The following PXDNL variants were observed in gnomAD, a reference collection of about 807,000 sequenced individuals.
PXDNL encodes the protein probable oxidoreductase PXDNL.
In PXDNL, 145 loss-of-function variants were observed where a neutral mutation model predicts 150.8. The ratio of observed to expected loss-of-function variants is 0.96; its 90% confidence interval spans 0.84 to 1.10. PXDNL has a LOEUF of 1.10. Ranked by LOEUF, PXDNL falls within the 50% of genes least tolerant of loss-of-function variation. PXDNL has a pLI of 0.00. For synonymous variants in PXDNL, 757 were observed against 725.7 expected (o/e 1.04, Z -0.69); for missense variants, 2,087 against 1,873.9 (o/e 1.11, Z -2.10).
intron 17 of PXDNL, among the ~76,000 whole-genome samples, chr8:51,381,743 C>A (rs1232862528): frequency 6.6e-6 from 1 of 151,662 alleles, no homozygotes; most frequent in Non-Finnish European, 1.5e-5. Context: ...AGCTCCACCT[C>A]CCGGGTTCAT....
intron 4 of PXDNL, among the ~76,000 whole-genome samples, chr8:51,506,835 G>C (rs1811305766): frequency 6.6e-6 from 1 of 152,122 alleles, no homozygotes; most frequent in Admixed American, 6.5e-5. Flanking sequence ...GGAATTCAAG[G>C]CTTTTCAAGA....
At chr8:51,586,530 C>A (rs149084847) in intron 3 of PXDNL, among the ~76,000 whole-genome samples, 1 of 152,140 alleles carries the variant, frequency 6.6e-6, no homozygotes, top group African/African-American at 2.4e-5. Context: ...TCATTAAAAC[C>A]CAGTGAGTGA....
At chr8:51,696,430 T>A (rs1414978852) in intron 1 of PXDNL, among the ~76,000 whole-genome samples, 2 of 152,198 alleles carry the variant, frequency 1.3e-5, no homozygotes, top group African/African-American at 4.8e-5. Context: ...ACTCCCAGCC[T>A]CCAGAACGGT....
intron 4 of PXDNL, among the ~76,000 whole-genome samples, chr8:51,542,026 A>C (rs1330477035): frequency 6.6e-6 from 1 of 152,206 alleles, no homozygotes; most frequent in Non-Finnish European, 1.5e-5. Context: ...TTTTGTACTA[A>C]TAAGTTGCTA....
At chr8:51,663,982 C>T (rs921457841) in intron 1 of PXDNL, among the ~76,000 whole-genome samples, 5 of 145,932 alleles carry the variant, frequency 3.4e-5, no homozygotes, top group South Asian at 2.2e-4. Context: ...ACCTGGGAAG[C>T]GGAGGTTGCA....
chr8:51,685,330 A>G (rs553170619), intron 1 of PXDNL, among the ~76,000 whole-genome samples: 20 of 152,310 alleles, frequency 1.3e-4, no homozygotes, highest in South Asian at 6.2e-4. Flanking sequence ...TCTGCCCCAC[A>G]TAATACAGGT....
intron 21 of PXDNL, among the ~76,000 whole-genome samples, chr8:51,334,618 G>A (rs770037020): frequency 1.6e-4 from 25 of 152,240 alleles, no homozygotes; most frequent in Non-Finnish European, 2.9e-4. Flanking sequence ...TAACCTCACT[G>A]AGAAATGAAA....
At chr8:51,615,397 G>A (rs1034674902) in intron 2 of PXDNL, among the ~76,000 whole-genome samples, 1 of 151,794 alleles carries the variant, frequency 6.6e-6, no homozygotes, top group African/African-American at 2.4e-5. Context: ...TGTATTATGG[G>A]CACAAAAATA....
chr8:51,735,025 T>C (rs1445598801), intron 1 of PXDNL, among the ~76,000 whole-genome samples: 2 of 152,140 alleles, frequency 1.3e-5, no homozygotes, highest in East Asian at 3.8e-4. Flanking sequence ...TTCTTGAAAA[T>C]TGCTAAGAGA....
At chr8:51,506,439 G>C (rs1811291243) in intron 4 of PXDNL, among the ~76,000 whole-genome samples, 1 of 151,212 alleles carries the variant, frequency 6.6e-6, no homozygotes, top group Non-Finnish European at 1.5e-5. Context: ...TACTCGGGAG[G>C]CTGAGGCAGG....
rs560267299 is a variant in PXDNL, at chr8:51,472,731, C to G, written c.695-427G>C. Among the ~76,000 whole-genome samples the G allele has an allele frequency of 2.6e-5, 4 of 152,298 alleles. No homozygotes were observed. The East Asian group carries it at 7.7e-4, about 29-fold the overall frequency. Reference sequence around the variant, plus strand: ...ACACAATTTACAACAAGTGATATGTCTAGACCTCAAAACTGGTTGAGCAAA... The same window carrying G: ...ACACAATTTACAACAAGTGATATGTGTAGACCTCAAAACTGGTTGAGCAAA... On this transcript the variant is annotated intron_variant, in intron 7 of 22. Coordinates refer to ENST00000356297, the MANE Select transcript of PXDNL (RefSeq NM_144651.5).
At chr8:51,457,390 C>A in intron 9 of PXDNL, 108 bp downstream of exon 9, 1 of 872,506 alleles carries the variant, frequency 1.1e-6, no homozygotes, top group Non-Finnish European at 1.6e-6. Flanking sequence ...TAAAAAATCA[C>A]AGTCAATGGG....
At position 51,749,765 on chromosome 8, in the gene PXDNL, A is replaced by G. The variant is rs556015950; in HGVS notation, c.164+59416T>C. On this transcript the variant is annotated intron_variant, in intron 1 of 22. Transcript: ENST00000356297. ...TACCAGGCTGGAGTGCAGTGGCATGATCTCGGCTCACTGCAACCTCCGACT... is the reference window on the plus strand; with the variant it reads ...TACCAGGCTGGAGTGCAGTGGCATGGTCTCGGCTCACTGCAACCTCCGACT... Among the ~76,000 whole-genome samples, 77 of 152,216 alleles carry G rather than the reference A, an allele frequency of 5.1e-4. 1 individual carries two copies. Among genetic ancestry groups the G allele is most frequent in the Admixed American group, 3.5e-3 (53 of 15,292 alleles).
chr8:51,670,377 G>T (rs1232824104), intron 1 of PXDNL, among the ~76,000 whole-genome samples: 1 of 152,208 alleles, frequency 6.6e-6, no homozygotes, highest in African/African-American at 2.4e-5. Context: ...AAAGATCATA[G>T]AGTGCATTTA....
intron 2 of PXDNL, among the ~76,000 whole-genome samples, chr8:51,629,088 C>G (rs2130751007): frequency 1.3e-5 from 2 of 152,024 alleles, no homozygotes; most frequent in South Asian, 4.2e-4. Flanking sequence ...TTCAAATCAA[C>G]TGTCTTAAAT....
intron 6 of PXDNL, among the ~76,000 whole-genome samples, chr8:51,482,812 T>C (rs1810633367): frequency 6.6e-6 from 1 of 152,046 alleles, no homozygotes; most frequent in Non-Finnish European, 1.5e-5. Flanking sequence ...GAACTGTGAG[T>C]CCATTAAACC....
chr8:51,773,340 C>T (rs781519564), intron 1 of PXDNL, among the ~76,000 whole-genome samples: 7 of 152,158 alleles, frequency 4.6e-5, no homozygotes, highest in African/African-American at 1.2e-4. Context: ...TAGAGCATGA[C>T]GTGGGAAGCA....
chr8:51,369,155 A>G (rs968023449), intron 19 of PXDNL, among the ~76,000 whole-genome samples: 1 of 152,220 alleles, frequency 6.6e-6, no homozygotes, highest in African/African-American at 2.4e-5. Context: ...CATAGTTTCT[A>G]GGTCCTTTAA....
intron 21 of PXDNL, among the ~76,000 whole-genome samples, chr8:51,329,309 A>C (rs1033856992): frequency 6.6e-6 from 1 of 152,352 alleles, no homozygotes; most frequent in Non-Finnish European, 1.5e-5. Context: ...GAAAGGCCAA[A>C]GTCAGTAGGA....
Sources: gnomAD v4.1 joint callset for allele counts (sites outside exome capture counted in the v4.1 genomes callset) on GRCh38, gnomAD v4.1.1 for gene constraint, MANE v1.5 for transcripts, NCBI Gene and HGNC (gene_info 2026-07-23, HGNC 2026-07-21) for gene names.